Variants in KIAA1217 observed in about 807,000 individuals in gnomAD.
The protein encoded by KIAA1217 is sickle tail protein homolog.
Under a neutral mutation model 163.9 loss-of-function variants are expected in KIAA1217, and 88 were observed. The ratio of observed to expected loss-of-function variants is 0.54; its 90% CI spans 0.45 to 0.64. The LOEUF (loss-of-function observed/expected upper bound fraction) is 0.64, where lower values mean the gene tolerates loss of function less well. KIAA1217 is among the 30% of genes least tolerant of loss of function. The pLI, the probability that KIAA1217 is intolerant of heterozygous loss-of-function variation, is 0.00. For missense variants in KIAA1217, 2,372 were observed against 2,475.0 expected (o/e 0.96, Z 0.88); for synonymous variants, 903 against 923.1 (o/e 0.98, Z 0.39).
chr10:23,969,418 A>G (rs764840440), intron 1 of KIAA1217, among the ~76,000 whole-genome samples: 3 of 152,216 alleles, frequency 2.0e-5, no homozygotes, highest in Non-Finnish European at 4.4e-5. Context: ...ATCACAATGC[A>G]TGAGGGTTCT....
intron 6 of KIAA1217, among the ~76,000 whole-genome samples, chr10:24,486,931 C>T (rs1360468865): frequency 6.6e-6 from 1 of 152,202 alleles, no homozygotes; most frequent in African/African-American, 2.4e-5. Flanking sequence ...GGAGCATTCC[C>T]TAGTATGCAG....
chr10:24,136,371 G>C (rs1276168650), intron 2 of KIAA1217, among the ~76,000 whole-genome samples: 1 of 152,102 alleles, frequency 6.6e-6, no homozygotes, highest in Non-Finnish European at 1.5e-5. Context: ...TTAAATTCTA[G>C]TTGAGATTAT....
rs182607813 is a variant in KIAA1217 at position 23,898,609 on chromosome 10, A to G, written c.-320-108616A>G. ...AGTGTTTTATTGCATCAAAATGCACATAAAATTTACCATCTTGACCATTTT... is the reference window on the plus strand; with the variant it reads ...AGTGTTTTATTGCATCAAAATGCACGTAAAATTTACCATCTTGACCATTTT... On this transcript the variant is annotated intron_variant, in intron 1 of 18. Transcript: ENST00000376462. 6.3e-3 allele frequency among the ~76,000 whole-genome samples: 956 copies of G among 152,214 alleles called. 12 individuals are homozygous for G. Among genetic ancestry groups the G allele is most frequent in the African/African-American group, 0.022 (901 of 41,554 alleles).
At chr10:24,166,668 G>C (rs2065360552) in intron 2 of KIAA1217, among the ~76,000 whole-genome samples, 2 of 152,206 alleles carry the variant, frequency 1.3e-5, no homozygotes, top group South Asian at 4.1e-4. Flanking sequence ...AGCCTGGGAA[G>C]TGGAGGTTGC....
chr10:24,057,506 T>C (rs1485231602), intron 2 of KIAA1217, among the ~76,000 whole-genome samples: 1 of 152,214 alleles, frequency 6.6e-6, no homozygotes, highest in African/African-American at 2.4e-5. Flanking sequence ...ATATCTCATA[T>C]AAGTGGAATC....
intron 2 of KIAA1217, among the ~76,000 whole-genome samples, chr10:24,173,454 C>A (rs887885355): frequency 1.3e-5 from 2 of 152,072 alleles, no homozygotes; most frequent in Non-Finnish European, 2.9e-5. Context: ...AAAACCACCC[C>A]CTGACCCTCG....
chr10:24,002,706 A>G (rs1846804820), intron 1 of KIAA1217, among the ~76,000 whole-genome samples: 1 of 152,042 alleles, frequency 6.6e-6, no homozygotes, highest in Admixed American at 6.6e-5. Context: ...GGTTCCATGG[A>G]TAAGTTTGTT....
At chr10:23,808,879 T>C (rs975416383) in intron 1 of KIAA1217, among the ~76,000 whole-genome samples, 10 of 151,946 alleles carry the variant, frequency 6.6e-5, no homozygotes, top group Non-Finnish European at 1.2e-4. Context: ...ACTGTGAAAA[T>C]GTATAATATT....
chr10:23,783,125 C>A (rs894798517), intron 1 of KIAA1217, among the ~76,000 whole-genome samples: 2 of 152,102 alleles, frequency 1.3e-5, no homozygotes, highest in African/African-American at 4.8e-5. Context: ...CTGGGCCACA[C>A]TGGAAGAAGG....
At chr10:24,300,853 C>T (rs563395811) in intron 2 of KIAA1217, among the ~76,000 whole-genome samples, 2 of 152,262 alleles carry the variant, frequency 1.3e-5, no homozygotes, top group African/African-American at 4.8e-5. Flanking sequence ...CACTCTGTTG[C>T]CCAGGCTGGA....
At chr10:23,993,034 T>TC (rs1234450778) in intron 1 of KIAA1217, among the ~76,000 whole-genome samples, 1 of 147,242 alleles carries the variant, frequency 6.8e-6, no homozygotes, top group Non-Finnish European at 1.5e-5. Context: ...GCTTCCTTTT[T>TC]TTTTTTTTTT....
At chr10:23,998,155 G>GA (rs1001775616) in intron 1 of KIAA1217, among the ~76,000 whole-genome samples, 131 of 150,228 alleles carry the variant, frequency 8.7e-4, no homozygotes, top group African/African-American at 2.9e-3. Flanking sequence ...AGAAGAAAAA[G>GA]AAAAAAAAAG....
chr10:24,053,096 C>T (rs1472619017), intron 2 of KIAA1217, among the ~76,000 whole-genome samples: 1 of 152,114 alleles, frequency 6.6e-6, no homozygotes, highest in Admixed American at 6.6e-5. Context: ...GGTTTTCTCC[C>T]TTTGTTTTGT....
chr10:23,746,616 G>C (rs1325153766), intron 1 of KIAA1217, among the ~76,000 whole-genome samples: 2 of 151,982 alleles, frequency 1.3e-5, no homozygotes, highest in South Asian at 4.2e-4. Flanking sequence ...GTAGAGACAG[G>C]GTTTTACCGT....
intron 1 of KIAA1217, among the ~76,000 whole-genome samples, chr10:23,762,638 A>T (rs1375734969): frequency 2.6e-5 from 4 of 152,244 alleles, no homozygotes; most frequent in African/African-American, 9.6e-5. Flanking sequence ...AGAACTATTT[A>T]TGACAAACCC....
chr10:23,898,694 A>G (rs1050186792), intron 1 of KIAA1217, among the ~76,000 whole-genome samples: 10 of 151,996 alleles, frequency 6.6e-5, no homozygotes, highest in Admixed American at 2.6e-4. Context: ...AATCTCCACA[A>G]CTTTTTTACT....
intron 1 of KIAA1217, among the ~76,000 whole-genome samples, chr10:23,875,253 A>C (rs1840628956): frequency 6.6e-6 from 1 of 152,056 alleles, no homozygotes; most frequent in African/African-American, 2.4e-5. Context: ...GGAAAGAGGA[A>C]ACTGTTCTAA....
intron 2 of KIAA1217, among the ~76,000 whole-genome samples, chr10:24,167,579 G>A (rs966504957): frequency 6.6e-6 from 1 of 152,098 alleles, no homozygotes. Context: ...GCTTCTGAGA[G>A]CTAAGTGTTT....
intron 1 of KIAA1217, among the ~76,000 whole-genome samples, chr10:23,992,048 G>T (rs1054173967): frequency 6.6e-6 from 1 of 152,168 alleles, no homozygotes; most frequent in Middle Eastern, 3.4e-3. Flanking sequence ...CCCCCAAAAC[G>T]CATCATTTTA....
Sources: allele counts gnomAD v4.1 joint callset (sites outside exome capture counted in the v4.1 genomes callset), GRCh38; gene constraint gnomAD v4.1.1; transcripts MANE v1.5; gene names NCBI Gene and HGNC (gene_info 2026-07-23, HGNC 2026-07-21).